Variants in KCND3 observed in about 807,000 individuals in gnomAD.
The protein encoded by KCND3 is A-type voltage-gated potassium channel KCND3.
A neutral mutation model predicts 51.1 loss-of-function variants in KCND3; 9 were observed. The observed-to-expected ratio is 0.18, with a 90% CI of 0.11 to 0.31. The LOEUF (loss-of-function observed/expected upper bound fraction) is 0.31. KCND3 is among the 10% of genes least tolerant of loss of function. KCND3 has a pLI of 1.00. For missense variants in KCND3, 526 were observed against 903.8 expected, an observed-to-expected ratio of 0.58 and a Z score of 5.36; for synonymous variants, 349 against 368.0, an observed-to-expected ratio of 0.95 and a Z score of 0.59.
In KCND3 at chr1:111,981,788, T is replaced by C. The variant is rs779084430; in HGVS notation, c.939A>G (p.Thr313=). 3.1e-6 allele frequency: 5 copies of C among 1,613,724 alleles called. No individual in the cohort carries two copies. The highest frequency in any genetic ancestry group is 1.3e-5 in the African/African-American group (1 of 74,858). The change falls in exon 2 of 8, where the codon ACA becomes ACG. Residue 313 remains threonine (T), a synonymous_variant. Coordinates refer to ENST00000302127, the MANE Select transcript of KCND3 (RefSeq NM_001378969.1). This position sits in a 1 kb window ranked among gnomAD's most constrained non-coding sequence, Gnocchi z 6.2. ...HSQGLRILGY[T]LKSCASELGF... The stretch of plus-strand genomic sequence containing the variant: ...CCAGTTCGGAGGCACAGCTCTTCAG[T>C]GTGTAGCCCAGGATCCGCAGGCCCT...
chr1:111,788,496 GTGAA>G (rs370279010), intron 2 of KCND3, among the ~76,000 whole-genome samples: 4 of 152,312 alleles, frequency 2.6e-5, no homozygotes, highest in East Asian at 1.9e-4. Flanking sequence ...CAGGTATTCG[GTGAA>G]TGAATGAATG....
chr1:111,867,501 G>T (rs952480510), intron 2 of KCND3, among the ~76,000 whole-genome samples: 3 of 152,134 alleles, frequency 2.0e-5, no homozygotes, highest in Non-Finnish European at 2.9e-5. Flanking sequence ...AGGGAAACCC[G>T]CCTTAGGATG....
At chr1:111,794,113 C>A (rs1664958293) in intron 2 of KCND3, among the ~76,000 whole-genome samples, 1 of 152,244 alleles carries the variant, frequency 6.6e-6, no homozygotes, top group African/African-American at 2.4e-5. Context: ...CTCTCTCTCC[C>A]AGCACATCCT....
chr1:111,952,891 G>A (rs963865540), intron 2 of KCND3, among the ~76,000 whole-genome samples: 1 of 152,110 alleles, frequency 6.6e-6, no homozygotes, highest in Non-Finnish European at 1.5e-5. Flanking sequence ...TCTTGCAGAA[G>A]ACCTTCCCCC....
intron 2 of KCND3, among the ~76,000 whole-genome samples, chr1:111,906,400 C>T (rs936808945): frequency 1.3e-5 from 2 of 152,236 alleles, no homozygotes; most frequent in African/African-American, 4.8e-5. Context: ...AAGTTCCCCA[C>T]TGTCCAGACC....
At chr1:111,891,751 T>A (rs961542863) in intron 2 of KCND3, among the ~76,000 whole-genome samples, 20 of 152,342 alleles carry the variant, frequency 1.3e-4, no homozygotes, top group South Asian at 4.1e-4. Context: ...TATCTCCAGA[T>A]CTCAATAAAT....
chr1:111,917,615 G>A (rs1191082364), intron 2 of KCND3, among the ~76,000 whole-genome samples: 1 of 152,156 alleles, frequency 6.6e-6, no homozygotes, highest in Non-Finnish European at 1.5e-5. Context: ...GGGGAAAAAT[G>A]AGCCCTTACA....
At chr1:111,872,055 C>G (rs1668849258) in intron 2 of KCND3, among the ~76,000 whole-genome samples, 1 of 152,178 alleles carries the variant, frequency 6.6e-6, no homozygotes. Context: ...ATAATAATAA[C>G]AAAGATACTA....
At chr1:111,796,136 TTGTC>T (rs1665045641) in intron 2 of KCND3, among the ~76,000 whole-genome samples, 1 of 152,220 alleles carries the variant, frequency 6.6e-6, no homozygotes, top group Non-Finnish European at 1.5e-5. Context: ...ATTCTGTAGG[TTGTC>T]TGTTCACTCT....
rs17722058 is a variant in KCND3, at chr1:111,785,993, G to A, written c.1269+951C>T. Among the ~76,000 whole-genome samples the A allele has an allele frequency of 8.2e-3, 1,244 of 152,338 alleles. 31 individuals are homozygous for A. The highest frequency in any genetic ancestry group is 0.04 in the Admixed American group (612 of 15,298). On this transcript the variant is annotated intron_variant, in intron 3 of 7. Coordinates refer to ENST00000302127, the MANE Select transcript of KCND3 (RefSeq NM_001378969.1). ...CCAGTCTTTCAACAGTTCTCCTCCT[G>A]TCCGTTGTCCTCAGAAAGGCTCTGG...
intron 2 of KCND3, among the ~76,000 whole-genome samples, chr1:111,910,576 C>A (rs1670892458): frequency 2.0e-5 from 3 of 152,228 alleles, no homozygotes. Flanking sequence ...GGGCGGCCAA[C>A]AACCTGTCCA....
At chr1:111,794,699 G>A (rs1330222087) in intron 2 of KCND3, among the ~76,000 whole-genome samples, 11 of 152,178 alleles carry the variant, frequency 7.2e-5, no homozygotes, top group Admixed American at 3.9e-4. Flanking sequence ...CTCCTTGTCC[G>A]GGGGCAAAAG....
Position 111,981,270 on chromosome 1 carries a change from C to G in KCND3, c.1106+351G>C, listed in dbSNP as rs887022494. 1.3e-4 allele frequency among the ~76,000 whole-genome samples: 20 copies of G among 152,126 alleles called. No homozygotes were observed. Among genetic ancestry groups the G allele is most frequent in the African/African-American group, 4.3e-4 (18 of 41,416 alleles). On this transcript the variant is annotated intron_variant, in intron 2 of 7. Transcript: ENST00000302127. This position sits in a 1 kb window ranked among gnomAD's most constrained non-coding sequence, Gnocchi z 6.2. The stretch of plus-strand genomic sequence containing the variant: ...CCCCAACAACTGCCCTGACCTTCTC[C>G]CCACGCTGCCCCATATGCGCAAATG...
chr1:111,822,136 G>A (rs1242585225), intron 2 of KCND3, among the ~76,000 whole-genome samples: 1 of 150,870 alleles, frequency 6.6e-6, no homozygotes, highest in Non-Finnish European at 1.5e-5. Context: ...AAAGATTTAT[G>A]TGATTTTCAC....
At chr1:111,844,535 CA>C (rs1667466094) in intron 2 of KCND3, among the ~76,000 whole-genome samples, 1 of 152,156 alleles carries the variant, frequency 6.6e-6, no homozygotes, top group African/African-American at 2.4e-5. Context: ...ACCACTCTAA[CA>C]ACAGCTGTCT....
At position 111,784,866 on chromosome 1, in the gene KCND3, C is replaced by T. The variant is rs185044087; in HGVS notation, c.1269+2078G>A. ...TGGGAGGGAGACCCATCTTTAGCAG[C>T]GAGAGGAAGGAAGAAGCCTGAGTTG... On this transcript the variant is annotated intron_variant, in intron 3 of 7. Transcript: ENST00000302127. 1.5e-4 allele frequency among the ~76,000 whole-genome samples: 23 copies of T among 152,008 alleles called. No individual in the cohort carries two copies. In the South Asian group the frequency reaches 4.6e-3, roughly 30 times the overall value.
rs149246367 is a variant in KCND3 at position 111,975,452 on chromosome 1, G to C, written c.1106+6169C>G. ...CAAGCACTTCCTGAGAAAGCTTCCT[G>C]GTGCCTCTACATTCAAATACACGCA... is the stretch of plus-strand genomic sequence containing the variant. On this transcript the variant is annotated intron_variant, in intron 2 of 7. Transcript: ENST00000302127. Among the ~76,000 whole-genome samples, 669 of 152,250 alleles carry C rather than the reference G, an allele frequency of 4.4e-3. 5 individuals are homozygous for C. Among genetic ancestry groups the C allele is most frequent in the African/African-American group, 0.015 (634 of 41,540 alleles).
chr1:111,904,864 G>A (rs1361135529), intron 2 of KCND3, among the ~76,000 whole-genome samples: 2 of 152,190 alleles, frequency 1.3e-5, no homozygotes, highest in African/African-American at 4.8e-5. Flanking sequence ...GGTAGACTCA[G>A]GATGCACTTG....
At chr1:111,794,998 G>A (rs1664994761) in intron 2 of KCND3, among the ~76,000 whole-genome samples, 1 of 152,208 alleles carries the variant, frequency 6.6e-6, no homozygotes, top group South Asian at 2.1e-4. Flanking sequence ...TTTCTGGGGA[G>A]CCAACATGGA....
Sources: gnomAD v4.1 joint callset for allele counts (sites outside exome capture counted in the v4.1 genomes callset) on GRCh38, gnomAD v4.1.1 for gene constraint, Gnocchi (gnomAD v3.1) non-coding constraint, MANE v1.5 for transcripts, NCBI Gene and HGNC (gene_info 2026-07-23, HGNC 2026-07-21) for gene names.